The following LRIG1 variants were observed in gnomAD, a reference collection of about 807,000 sequenced individuals.
LRIG1 encodes the protein leucine-rich repeats and immunoglobulin-like domains protein 1.
Under a neutral mutation model 99.2 loss-of-function variants are expected in LRIG1, and 48 were observed. The ratio of observed to expected loss-of-function variants is 0.48; its 90% CI spans 0.38 to 0.62. The LOEUF (loss-of-function observed/expected upper bound fraction) is 0.62, where lower values mean the gene tolerates loss of function less well. Among genes scored for constraint, LRIG1 ranks in the 20% least tolerant of loss-of-function variants. LRIG1 has a pLI of 0.00. For missense variants in LRIG1, 1,646 were observed against 1,434.4 expected, an observed-to-expected ratio of 1.15 and a Z score of -2.38; for synonymous variants, 772 against 596.1, an observed-to-expected ratio of 1.29 and a Z score of -4.30.
chr3:66,462,298 C>T (rs771275888), intron 2 of LRIG1, 140 bp downstream of exon 2: 4 of 665,140 alleles, frequency 6.0e-6, no homozygotes, highest in African/African-American at 1.8e-5. Context: ...TAGAATTCAT[C>T]AACACAGTCC....
At chr3:66,473,585 G>T (rs767363146) in intron 1 of LRIG1, among the ~76,000 whole-genome samples, 1 of 152,138 alleles carries the variant, frequency 6.6e-6, no homozygotes, top group African/African-American at 2.4e-5. Flanking sequence ...TTATTTTCTA[G>T]GTTTATCCTC....
intron 9 of LRIG1, among the ~76,000 whole-genome samples, chr3:66,402,120 C>A (rs1382780400): frequency 6.6e-6 from 1 of 152,172 alleles, no homozygotes; most frequent in Non-Finnish European, 1.5e-5. Flanking sequence ...GACTCTGCCC[C>A]TCCCTCCGAG....
At chr3:66,391,020 GATAT>G (rs60541932) in intron 12 of LRIG1, among the ~76,000 whole-genome samples, 2 of 151,072 alleles carry the variant, frequency 1.3e-5, no homozygotes, top group African/African-American at 2.4e-5. Context: ...TTCCAAAGAA[GATAT>G]ATATATATAT....
intron 7 of LRIG1, 153 bp downstream of exon 7, chr3:66,409,976 C>T (rs1702411108): frequency 4.3e-6 from 3 of 690,380 alleles, no homozygotes; most frequent in Non-Finnish European, 2.4e-6. Context: ...CTGAGGGTTC[C>T]ACCCTGGGCC....
intron 3 of LRIG1, among the ~76,000 whole-genome samples, chr3:66,427,020 C>A (rs1703005574): frequency 6.6e-6 from 1 of 152,216 alleles, no homozygotes; most frequent in Admixed American, 6.5e-5. Context: ...CTTTGCTTCG[C>A]CTGAACCTCC....
At chr3:66,401,705 G>A (rs890430499) in intron 9 of LRIG1, 73 of 1,490,774 alleles carry the variant, frequency 4.9e-5, no homozygotes, top group African/African-American at 2.1e-4. Flanking sequence ...AAGGAGAGGC[G>A]GGATTATGGG....
At chr3:66,390,947 G>A (rs569121648) in intron 12 of LRIG1, among the ~76,000 whole-genome samples, 1 of 152,150 alleles carries the variant, frequency 6.6e-6, no homozygotes, top group African/African-American at 2.4e-5. Flanking sequence ...AATACATAAA[G>A]AACTTTACAA....
chr3:66,484,387 A>C (rs1700921558), intron 1 of LRIG1, among the ~76,000 whole-genome samples: 1 of 152,228 alleles, frequency 6.6e-6, no homozygotes, highest in South Asian at 2.1e-4. Context: ...GAGCTTACAG[A>C]CTAATGGGGT....
chr3:66,459,472 T>C (rs997235943), intron 2 of LRIG1, among the ~76,000 whole-genome samples: 3 of 152,240 alleles, frequency 2.0e-5, no homozygotes, highest in Non-Finnish European at 2.9e-5. Context: ...TGTTCCCTTC[T>C]TGAGGCTCTG....
Position 66,380,590 on chromosome 3 carries a change from A to G in LRIG1, c.3042T>C (p.Ser1014=). ...LTAVKKKPMA[S]LDGKGDSSWT... ...GTCAAAAGTTACCTTTCCCATCTAG[A>G]GATGCCATTGGCTTTTTCTTCACAG... Residue 1014 remains serine, a synonymous_variant, in exon 18 of 19, where the codon TCT becomes TCC. Transcript: ENST00000273261. 6.2e-7 allele frequency: 1 copy of G among 1,613,830 alleles called. No individual in the cohort carries two copies. The highest frequency in any genetic ancestry group is 8.5e-7 in the Non-Finnish European group (1 of 1,179,752).
intron 1 of LRIG1, among the ~76,000 whole-genome samples, chr3:66,481,123 G>C (rs1000071140): frequency 5.9e-5 from 9 of 152,162 alleles, no homozygotes; most frequent in Non-Finnish European, 1.3e-4. Flanking sequence ...TGTGGCTGAG[G>C]TCCCTCTATA....
intron 1 of LRIG1, among the ~76,000 whole-genome samples, chr3:66,485,711 C>G (rs541916925): frequency 6.6e-6 from 1 of 152,294 alleles, no homozygotes; most frequent in South Asian, 2.1e-4. Context: ...AAACCACAAC[C>G]TAACAGAAAC....
chr3:66,500,542 T>A lies in LRIG1; in HGVS notation c.-135A>T. On this transcript the variant is annotated 5_prime_UTR_variant, in exon 1 of 19. Coordinates refer to ENST00000273261, the MANE Select transcript of LRIG1 (RefSeq NM_015541.3). ...GGGGCATGGCCCCCGCCCCAAGTTC[T>A]CTCTGCGGCCGCGGCTCCGGCACTC... The A allele has an allele frequency of 2.3e-6, 1 of 432,984 alleles. No homozygotes were observed. Among genetic ancestry groups the A allele is most frequent in the Non-Finnish European group, 3.8e-6 (1 of 262,274 alleles). The allele number at this position is 432,984 out of a possible 1,614,324, so 26.8% of individuals were successfully genotyped here.
At position 66,383,205 on chromosome 3, in the gene LRIG1, C is replaced by G; in HGVS notation, c.2268G>C (p.Glu756Asp). 1 of 1,614,258 alleles carries G rather than the reference C, an allele frequency of 6.2e-7. No homozygotes were observed. Among genetic ancestry groups the G allele is most frequent in the Non-Finnish European group, 8.5e-7 (1 of 1,180,058 alleles). ...QLLVVQNVVA[E>D]DAGRYTCEMS... ...TCTCACAGGTATATCGGCCCGCATC[C>G]TCTGCCACCACGTTCTGAACCACCA... The change falls in exon 15 of 19, where the codon GAG becomes GAC. Residue 756 changes from glutamate to aspartate, a missense_variant. Glu to Asp is a conservative substitution (Grantham distance 45). Transcript: ENST00000273261.
chr3:66,443,308 T>C (rs1703605042), intron 3 of LRIG1, among the ~76,000 whole-genome samples: 1 of 57,940 alleles, frequency 1.7e-5, no homozygotes, highest in South Asian at 5.5e-4. Context: ...AGGGTATGTG[T>C]TGGGGGCAGG....
chr3:66,432,878 A>G (rs1703219530), intron 3 of LRIG1, among the ~76,000 whole-genome samples: 1 of 152,144 alleles, frequency 6.6e-6, no homozygotes, highest in Admixed American at 6.5e-5. Flanking sequence ...GCAGATACAG[A>G]GGGAACAAGA....
intron 2 of LRIG1, 85 bp downstream of exon 2, chr3:66,462,353 G>C: frequency 1.1e-6 from 1 of 923,898 alleles, no homozygotes. Context: ...CGGATCTAGG[G>C]GAGTGAGCGA....
chr3:66,419,719 G>C (rs1575676553), intron 3 of LRIG1, among the ~76,000 whole-genome samples: 1 of 151,938 alleles, frequency 6.6e-6, no homozygotes, highest in African/African-American at 2.4e-5. Flanking sequence ...AGGCACAAGA[G>C]ACCCTCTGAT....
chr3:66,485,854 T>C (rs1053125448), intron 1 of LRIG1, among the ~76,000 whole-genome samples: 1 of 152,148 alleles, frequency 6.6e-6, no homozygotes, highest in Admixed American at 6.5e-5. Context: ...CAAGACACCA[T>C]GTATAGAGCA....
Sources: gnomAD v4.1 joint callset for allele counts (sites outside exome capture counted in the v4.1 genomes callset) on GRCh38, gnomAD v4.1.1 for gene constraint, MANE v1.5 for transcripts, NCBI Gene and HGNC (gene_info 2026-07-23, HGNC 2026-07-21) for gene names.